Variants in ESR1 observed in about 807,000 individuals in gnomAD.
ESR1 encodes estrogen receptor 1, also known as estrogen receptor.
Under a neutral mutation model 52.7 loss-of-function variants are expected in ESR1, and 12 were observed. That is an observed-to-expected ratio of 0.23 (90% CI 0.15 to 0.37). The LOEUF (loss-of-function observed/expected upper bound fraction) is 0.37, where lower values mean the gene tolerates loss of function less well. ESR1 is among the 10% of genes least tolerant of loss of function. ESR1 has a pLI of 1.00. For synonymous variants in ESR1, 305 were observed against 316.8 expected, an observed-to-expected ratio of 0.96 and a Z score of 0.39; for missense variants, 584 against 779.7, an observed-to-expected ratio of 0.75 and a Z score of 2.99.
At chr6:152,041,258 G>A (rs771530484) in intron 5 of ESR1, among the ~76,000 whole-genome samples, 8 of 152,156 alleles carry the variant, frequency 5.3e-5, no homozygotes, top group Non-Finnish European at 8.8e-5. Flanking sequence ...GATCTGCCAG[G>A]TCATATGGCC....
At chr6:152,009,459 A>G (rs1294137455) in intron 4 of ESR1, among the ~76,000 whole-genome samples, 1 of 152,154 alleles carries the variant, frequency 6.6e-6, no homozygotes, top group African/African-American at 2.4e-5. Flanking sequence ...CTGTTAAAAA[A>G]CACATGAAAA....
At chr6:151,754,594 A>C (rs1234217653) in intron 2 of ESR1, among the ~76,000 whole-genome samples, 2 of 152,160 alleles carry the variant, frequency 1.3e-5, no homozygotes, top group East Asian at 3.9e-4. Context: ...ATTTAGCCAC[A>C]TTTCACCTAC....
At position 152,011,606 on chromosome 6, in the gene ESR1, A is replaced by C. The variant is rs368497219; in HGVS notation, c.1097-50A>C. The C allele has an allele frequency of 3.9e-5, 62 of 1,609,968 alleles. No homozygotes were observed. The African/African-American group carries it at 7.2e-4, about 19-fold the overall frequency. Reference sequence around the variant, plus strand: ...TCCCTGTTGCATTAATTTCACCAGTAATGAGTCTTTTTCATTTGAGTCAGC... The same window carrying C: ...TCCCTGTTGCATTAATTTCACCAGTCATGAGTCTTTTTCATTTGAGTCAGC... On this transcript the variant is annotated intron_variant, in intron 4 of 7. Transcript: ENST00000206249.
At chr6:151,973,200 A>G (rs935818746) in intron 4 of ESR1, among the ~76,000 whole-genome samples, 1 of 152,160 alleles carries the variant, frequency 6.6e-6, no homozygotes, top group Non-Finnish European at 1.5e-5. Flanking sequence ...AGATTATCTC[A>G]TTTAATCCTT....
intron 4 of ESR1, among the ~76,000 whole-genome samples, chr6:151,957,113 G>A (rs888946666): frequency 3.5e-4 from 53 of 151,812 alleles, no homozygotes; most frequent in Admixed American, 1.4e-3. Flanking sequence ...TCCTGACCTC[G>A]TGATCCGCCC....
chr6:151,860,127 A>AT (rs1788607731), intron 2 of ESR1, among the ~76,000 whole-genome samples: 1 of 152,056 alleles, frequency 6.6e-6, no homozygotes, highest in African/African-American at 2.4e-5. Context: ...TCTCTTTATT[A>AT]TTTTTAATTA....
chr6:151,986,759 T>G (rs2040520067), intron 4 of ESR1, among the ~76,000 whole-genome samples: 2 of 152,142 alleles, frequency 1.3e-5, no homozygotes, highest in Non-Finnish European at 2.9e-5. Flanking sequence ...TGGCTCTAAT[T>G]CTTGGTTTAT....
At chr6:151,670,420 G>A (rs1196295293) in intron 1 of ESR1, among the ~76,000 whole-genome samples, 1 of 152,078 alleles carries the variant, frequency 6.6e-6, no homozygotes, top group Non-Finnish European at 1.5e-5. Context: ...CTTCACCAAC[G>A]TATAAGCTTC....
At position 151,846,366 on chromosome 6, in the gene ESR1, A is replaced by G. The variant is rs559122563; in HGVS notation, c.643+3579A>G. On this transcript the variant is annotated intron_variant, in intron 2 of 7. Transcript: ENST00000206249. Reference sequence around the variant, plus strand: ...TGTGTGTATAAAAGGGAAATACCACAACAAGTTTAAGGGTTTCTAGTTCTG... The same window carrying G: ...TGTGTGTATAAAAGGGAAATACCACGACAAGTTTAAGGGTTTCTAGTTCTG... 3.6e-3 allele frequency among the ~76,000 whole-genome samples: 554 copies of G among 152,314 alleles called. 2 individuals carry two copies. Among genetic ancestry groups the G allele is most frequent in the Non-Finnish European group, 6.2e-3 (421 of 68,022 alleles).
upstream of ESR1, among the ~76,000 whole-genome samples, chr6:151,800,983 C>CT (rs891219493): frequency 1.3e-5 from 2 of 151,286 alleles, no homozygotes; most frequent in Admixed American, 6.6e-5. Context: ...TCTCCTCTGT[C>CT]TTTTTTTAAA....
intron 2 of ESR1, among the ~76,000 whole-genome samples, chr6:151,784,248 C>T (rs1786810527): frequency 6.6e-6 from 1 of 152,146 alleles, no homozygotes; most frequent in African/African-American, 2.4e-5. Context: ...AATTCTTCTG[C>T]ATGGGAGATT....
upstream of ESR1, among the ~76,000 whole-genome samples, chr6:151,799,433 T>C (rs1420257116): frequency 6.6e-6 from 1 of 152,236 alleles, no homozygotes; most frequent in African/African-American, 2.4e-5. Flanking sequence ...ATTTCAGTTA[T>C]TATAGTTACT....
At chr6:151,902,649 C>T (rs2128411323) in intron 3 of ESR1, among the ~76,000 whole-genome samples, 1 of 152,286 alleles carries the variant, frequency 6.6e-6, no homozygotes, top group South Asian at 2.1e-4. Context: ...GATACGTAAC[C>T]TCTTCAGACC....
At chr6:151,972,281 G>A (rs1297169314) in intron 4 of ESR1, among the ~76,000 whole-genome samples, 1 of 151,978 alleles carries the variant, frequency 6.6e-6, no homozygotes, top group African/African-American at 2.4e-5. Flanking sequence ...GAGAAAGAGG[G>A]AATCCTCCCT....
chr6:152,067,886 AAATGTTCTTAGTATGCC>A (rs2048089770), intron 6 of ESR1, among the ~76,000 whole-genome samples: 1 of 152,338 alleles, frequency 6.6e-6, no homozygotes, highest in African/African-American at 2.4e-5. Context: ...TGCTGACTTA[AAATGTTCTTAGTATGCC>A]AATGTTGCTT....
chr6:151,918,862 G>T (rs73784103), intron 3 of ESR1, among the ~76,000 whole-genome samples: 69 of 152,192 alleles, frequency 4.5e-4, no homozygotes, highest in African/African-American at 1.6e-3. Flanking sequence ...GGCAAATTAA[G>T]ATATACCACT....
chr6:151,765,244 G>A (rs1263398775), intron 2 of ESR1, among the ~76,000 whole-genome samples: 1 of 152,084 alleles, frequency 6.6e-6, no homozygotes. Context: ...TATTTAATCT[G>A]TAGATAGATA....
chr6:151,812,520 A>G (rs1583415694), intron 1 of ESR1, among the ~76,000 whole-genome samples: 1 of 152,192 alleles, frequency 6.6e-6, no homozygotes, highest in African/African-American at 2.4e-5. Flanking sequence ...GATTATGTGT[A>G]AACAATTTTA....
At chr6:151,875,842 T>G (rs1791714514) in intron 2 of ESR1, among the ~76,000 whole-genome samples, 1 of 152,034 alleles carries the variant, frequency 6.6e-6, no homozygotes, top group Non-Finnish European at 1.5e-5. Flanking sequence ...AGGAAAAACA[T>G]AAGAGCTTTG....
Sources: allele counts gnomAD v4.1 joint callset (sites outside exome capture counted in the v4.1 genomes callset), GRCh38; gene constraint gnomAD v4.1.1; transcripts MANE v1.5; gene names NCBI Gene and HGNC (gene_info 2026-07-23, HGNC 2026-07-21).